The following ERBB4 variants were observed in gnomAD, a reference collection of about 807,000 sequenced individuals.
ERBB4 encodes the protein erb-b2 receptor tyrosine kinase 4, also known as receptor tyrosine-protein kinase erbB-4.
ERBB4 carries 42 observed loss-of-function variants against 158.0 expected under a neutral mutation model. That is an observed-to-expected ratio of 0.27 (90% confidence interval 0.21 to 0.34). The LOEUF (loss-of-function observed/expected upper bound fraction) is 0.34, where lower values mean the gene tolerates loss of function less well. Ranked by LOEUF, ERBB4 falls within the 10% of genes least tolerant of loss-of-function variation. The pLI is 1.00. For synonymous variants in ERBB4, 583 were observed against 558.7 expected (o/e 1.04, Z -0.61); for missense variants, 1,333 against 1,624.1 (o/e 0.82, Z 3.08).
At chr2:212,328,042 A>T (rs1477307852) in intron 1 of ERBB4, among the ~76,000 whole-genome samples, 2 of 150,884 alleles carry the variant, frequency 1.3e-5, no homozygotes, top group African/African-American at 4.9e-5. Flanking sequence ...AAAAAAAAAA[A>T]GTCACAATTC....
intron 1 of ERBB4, among the ~76,000 whole-genome samples, chr2:212,348,957 C>T (rs777229850): frequency 2.0e-5 from 3 of 151,936 alleles, no homozygotes; most frequent in Non-Finnish European, 4.4e-5. Flanking sequence ...AGAAAGAGAG[C>T]GGAATCTATG....
chr2:211,606,170 A>G (rs773891329), intron 19 of ERBB4, among the ~76,000 whole-genome samples: 5 of 152,216 alleles, frequency 3.3e-5, no homozygotes, highest in Non-Finnish European at 5.9e-5. Context: ...GAAGCAGTGG[A>G]AAGACTTTAT....
chr2:212,343,248 G>A (rs1361715602), intron 1 of ERBB4, among the ~76,000 whole-genome samples: 2 of 152,078 alleles, frequency 1.3e-5, no homozygotes, highest in African/African-American at 4.8e-5. Context: ...GTGGATCTAA[G>A]TCTCAAATAA....
intron 19 of ERBB4, among the ~76,000 whole-genome samples, chr2:211,602,119 G>A (rs1331257520): frequency 2.6e-5 from 4 of 152,106 alleles, no homozygotes; most frequent in Non-Finnish European, 4.4e-5. Context: ...GGTGTTGGGT[G>A]TAGGGGGGTG....
At chr2:212,318,984 G>A (rs1259220076) in intron 1 of ERBB4, among the ~76,000 whole-genome samples, 1 of 151,406 alleles carries the variant, frequency 6.6e-6, no homozygotes, top group Non-Finnish European at 1.5e-5. Flanking sequence ...CAGGTTCTTG[G>A]GATAATAGAT....
chr2:212,265,103 T>C (rs1241888535), intron 1 of ERBB4, among the ~76,000 whole-genome samples: 1 of 152,080 alleles, frequency 6.6e-6, no homozygotes, highest in African/African-American at 2.4e-5. Flanking sequence ...CTTCTATCAA[T>C]AGATATTCAG....
At chr2:211,553,215 C>T (rs1005879391) in intron 20 of ERBB4, among the ~76,000 whole-genome samples, 1 of 152,036 alleles carries the variant, frequency 6.6e-6, no homozygotes, top group Non-Finnish European at 1.5e-5. Context: ...GTGATTCACC[C>T]ACCTTGGCCT....
chr2:212,182,130 T>C (rs186028591), intron 1 of ERBB4, among the ~76,000 whole-genome samples: 2 of 151,960 alleles, frequency 1.3e-5, no homozygotes, highest in Admixed American at 1.3e-4. Context: ...AAGATTTCAC[T>C]ACATGCCAGG....
In ERBB4 at chr2:211,420,456, T is replaced by G; in HGVS notation, c.3120A>C (p.Arg1040Ser). The change falls in exon 25 of 28, where the codon AGA becomes AGC. Residue 1040 changes from arginine to serine, a missense_variant. Around this residue, in one of 5 missense-constraint regions of ERBB4, gnomAD observed 252 missense variants for 241.3 expected, o/e 1.04. Coordinates refer to ENST00000342788, the MANE Select transcript of ERBB4 (RefSeq NM_005235.3). ...TATTTCTTACCCTATTCGAGTCAATTCTTGCTCTGGAAGTATAGATGGGAG... is the reference window on the plus strand; with the variant it reads ...TATTTCTTACCCTATTCGAGTCAATGCTTGCTCTGGAAGTATAGATGGGAG... The part of the protein sequence containing the change: ...IPPPIYTSRA[R>S]IDSNRSEIGH... 1 of 1,611,376 alleles carries G rather than the reference T, an allele frequency of 6.2e-7. No homozygotes were observed. Among genetic ancestry groups the G allele is most frequent in the Non-Finnish European group, 8.5e-7 (1 of 1,177,886 alleles).
Position 211,377,079 on chromosome 2 carries a change from G to T in ERBB4, c.*6536C>A. The T allele has an allele frequency of 4.3e-6, 1 of 232,970 alleles. No individual in the cohort carries two copies. The highest frequency in any genetic ancestry group is 6.0e-5 in the East Asian group (1 of 16,540). The allele number at this position is 232,970 out of a possible 1,614,324, so 14.4% of individuals were successfully genotyped here. A position where few individuals can be genotyped will look rare whatever the true frequency, so the allele number is the denominator to read the frequency against. On this transcript the variant is annotated 3_prime_UTR_variant, in exon 28 of 28. Transcript: ENST00000342788. ...TTGATTACTGGAGTAATCCCAAAAG[G>T]GTTCTTGGAGTGCTATGGTTGTAGT...
intron 1 of ERBB4, among the ~76,000 whole-genome samples, chr2:212,191,767 A>C (rs867286602): frequency 9.7e-6 from 1 of 102,648 alleles, no homozygotes; most frequent in African/African-American, 3.6e-5. Flanking sequence ...TATACATGTT[A>C]TATATAACAC....
intron 15 of ERBB4, among the ~76,000 whole-genome samples, chr2:211,660,586 T>C (rs1574941689): frequency 6.6e-6 from 1 of 152,338 alleles, no homozygotes. Context: ...GAATTTAGTA[T>C]GGCTGTCCTA....
In ERBB4 at chr2:211,421,955, C is replaced by T. The variant is rs978045937; in HGVS notation, c.2964+52G>A. 8 of 1,066,664 alleles carry T rather than the reference C, an allele frequency of 7.5e-6. No individual in the cohort carries two copies. The African/African-American group carries it at 9.3e-5, about 12-fold the overall frequency. The allele number at this position is 1,066,664 out of a possible 1,614,324, so 66.1% of individuals were successfully genotyped here. Reference sequence around the variant, plus strand: ...CAAAGTCCTGATACTACTCATTTTGCAGTGAGTTTGCCATTGGCCTAGTCT... The same window carrying T: ...CAAAGTCCTGATACTACTCATTTTGTAGTGAGTTTGCCATTGGCCTAGTCT... On this transcript the variant is annotated intron_variant, in intron 24 of 27. Transcript: ENST00000342788.
chr2:211,484,986 G>A (rs1294918196), intron 20 of ERBB4, among the ~76,000 whole-genome samples: 1 of 152,138 alleles, frequency 6.6e-6, no homozygotes, highest in Non-Finnish European at 1.5e-5. Context: ...TAAAAATGTT[G>A]ACTGAAAGTG....
chr2:211,540,468 C>T (rs2066772393), intron 20 of ERBB4, among the ~76,000 whole-genome samples: 1 of 151,786 alleles, frequency 6.6e-6, no homozygotes, highest in Admixed American at 6.6e-5. Flanking sequence ...TGAAAAGGAG[C>T]TGGATAATAT....
rs548397020 is a variant in ERBB4 at position 212,524,778 on chromosome 2, T to A, written c.82+13671A>T. 2.0e-5 allele frequency among the ~76,000 whole-genome samples: 3 copies of A among 152,202 alleles called. No individual in the cohort carries two copies. The South Asian group carries it at 6.2e-4, about 31-fold the overall frequency. On this transcript the variant is annotated intron_variant, in intron 1 of 27. Transcript: ENST00000342788. The stretch of plus-strand genomic sequence containing the variant: ...ATTTCTCGAACCGGCTAATACTTAA[T>A]TGTGGCAAAGTTACTGTGACACTAT...
chr2:211,697,680 T>G (rs2073076024), intron 12 of ERBB4, among the ~76,000 whole-genome samples: 1 of 152,204 alleles, frequency 6.6e-6, no homozygotes, highest in Non-Finnish European at 1.5e-5. Flanking sequence ...ATAAAATACT[T>G]CTTTTCTTCT....
At chr2:212,065,702 T>A (rs1212382103) in intron 2 of ERBB4, among the ~76,000 whole-genome samples, 1 of 152,008 alleles carries the variant, frequency 6.6e-6, no homozygotes, top group Non-Finnish European at 1.5e-5. Context: ...AGATTACATG[T>A]CATTAAGATC....
rs200040502 is a variant in ERBB4, at chr2:212,373,950, T to TCCATATATATCCATAAATATATC, written c.82+164498_82+164499insGATATATTTATGGATATATATGG. Among the ~76,000 whole-genome samples, 10 of 64,586 alleles carry TCCATATATATCCATAAATATATC rather than the reference T, an allele frequency of 1.5e-4. 2 individuals carry two copies. Among genetic ancestry groups the TCCATATATATCCATAAATATATC allele is most frequent in the African/African-American group, 6.9e-4 (10 of 14,418 alleles). 42.4% of individuals were successfully genotyped at this position (64,586 alleles called of 152,430 possible). On this transcript the variant is annotated intron_variant, in intron 1 of 27. Transcript: ENST00000342788. ...ATATCCATATATATCCATATATATA[T>TCCATATATATCCATAAATATATC]CATATATATATCCATATATATCCAT...
Sources: gnomAD v4.1 joint callset for allele counts (sites outside exome capture counted in the v4.1 genomes callset) on GRCh38, gnomAD v4.1.1 for gene constraint, gnomAD v4.1.1 regional missense constraint, MANE v1.5 for transcripts, NCBI Gene and HGNC (gene_info 2026-07-23, HGNC 2026-07-21) for gene names.